SDK1: variants seen among roughly 807,000 people sequenced by gnomAD.
SDK1 encodes protein sidekick-1.
SDK1 carries 157 observed loss-of-function variants against 245.5 expected under a neutral mutation model. That is an observed-to-expected ratio of 0.64 (90% CI 0.56 to 0.73). SDK1 has a LOEUF of 0.73. Ranked by LOEUF, SDK1 falls within the 30% of genes least tolerant of loss-of-function variation. The pLI, the probability that SDK1 is intolerant of heterozygous loss-of-function variation, is 0.00. For missense variants in SDK1, 3,583 were observed against 3,002.3 expected, an observed-to-expected ratio of 1.19 and a Z score of -4.52; for synonymous variants, 1,647 against 1,278.5, an observed-to-expected ratio of 1.29 and a Z score of -6.15.
intron 5 of SDK1, among the ~76,000 whole-genome samples, chr7:3,862,616 G>T (rs971273062): frequency 6.6e-6 from 1 of 152,190 alleles, no homozygotes; most frequent in African/African-American, 2.4e-5. Context: ...TGAATAGTCA[G>T]TGACTTTCAC....
At chr7:3,310,927 G>A (rs1365152553) in intron 1 of SDK1, among the ~76,000 whole-genome samples, 4 of 152,212 alleles carry the variant, frequency 2.6e-5, no homozygotes, top group African/African-American at 9.6e-5. Flanking sequence ...TGTGAGGGCT[G>A]ATTGATATGA....
At chr7:3,345,771 A>G (rs1463419841) in intron 1 of SDK1, among the ~76,000 whole-genome samples, 1 of 152,110 alleles carries the variant, frequency 6.6e-6, no homozygotes, top group Non-Finnish European at 1.5e-5. Flanking sequence ...GTAGTAAATA[A>G]TGTTGTTCCA....
intron 4 of SDK1, among the ~76,000 whole-genome samples, chr7:3,716,094 C>G (rs1196264627): frequency 1.4e-5 from 2 of 147,164 alleles, no homozygotes; most frequent in African/African-American, 5.1e-5. Flanking sequence ...CTCAGTCTGA[C>G]CAACAATGAA....
At chr7:3,605,350 G>T (rs547209215) in intron 1 of SDK1, among the ~76,000 whole-genome samples, 9 of 152,292 alleles carry the variant, frequency 5.9e-5, no homozygotes, top group African/African-American at 2.2e-4. Context: ...TTGTTTTATG[G>T]TTTGAAGAAA....
intron 5 of SDK1, among the ~76,000 whole-genome samples, chr7:3,855,913 A>G (rs572596907): frequency 2.0e-5 from 3 of 152,350 alleles, no homozygotes; most frequent in East Asian, 1.9e-4. Flanking sequence ...TAAAGCTTCA[A>G]TTAATGAATG....
intron 5 of SDK1, among the ~76,000 whole-genome samples, chr7:3,905,896 T>C (rs1299308624): frequency 6.6e-6 from 1 of 152,224 alleles, no homozygotes; most frequent in African/African-American, 2.4e-5. Context: ...AGTGCTGAGA[T>C]TGCAGGTATG....
chr7:3,957,488 G>C (rs951537510), intron 7 of SDK1, among the ~76,000 whole-genome samples: 1 of 152,142 alleles, frequency 6.6e-6, no homozygotes, highest in African/African-American at 2.4e-5. Context: ...AAAAGAAAAC[G>C]CTCAACTAAG....
chr7:3,887,940 G>A (rs1424246739), intron 5 of SDK1, among the ~76,000 whole-genome samples: 3 of 152,274 alleles, frequency 2.0e-5, no homozygotes, highest in East Asian at 3.9e-4. Context: ...GTGTTGTCTT[G>A]TATTTCTTTT....
chr7:3,907,732 G>T (rs183213117), intron 5 of SDK1, among the ~76,000 whole-genome samples: 2 of 152,326 alleles, frequency 1.3e-5, no homozygotes, highest in African/African-American at 4.8e-5. Context: ...AACAGCAGAG[G>T]TGGTGAGGGT....
chr7:3,922,468 G>C (rs565448567), intron 5 of SDK1, among the ~76,000 whole-genome samples: 2 of 152,354 alleles, frequency 1.3e-5, no homozygotes, highest in East Asian at 3.9e-4. Context: ...ATACCACTGG[G>C]TGTCACATGG....
chr7:3,335,828 T>A (rs1243363791), intron 1 of SDK1, among the ~76,000 whole-genome samples: 1 of 152,122 alleles, frequency 6.6e-6, no homozygotes, highest in East Asian at 1.9e-4. Flanking sequence ...AGATTTACTG[T>A]CTTACCAAGG....
At chr7:3,749,790 C>A (rs561365927) in intron 4 of SDK1, among the ~76,000 whole-genome samples, 22 of 152,246 alleles carry the variant, frequency 1.4e-4, no homozygotes, top group African/African-American at 5.3e-4. Context: ...TAATGGTAGT[C>A]ATGGACCCTA....
chr7:3,502,415 A>G (rs1005620749), intron 1 of SDK1, among the ~76,000 whole-genome samples: 1 of 151,906 alleles, frequency 6.6e-6, no homozygotes, highest in African/African-American at 2.4e-5. Context: ...ATGCCTGGCT[A>G]ATTTTTGTAT....
chr7:3,893,019 G>A (rs544715391), intron 5 of SDK1, among the ~76,000 whole-genome samples: 2 of 152,274 alleles, frequency 1.3e-5, no homozygotes, highest in South Asian at 4.1e-4. Context: ...TAGGAATCAG[G>A]CCAATTTGAG....
intron 22 of SDK1, among the ~76,000 whole-genome samples, chr7:4,087,479 GCA>G (rs10660112): frequency 8.5e-4 from 128 of 150,252 alleles, no homozygotes; most frequent in Middle Eastern, 3.5e-3. Context: ...ACACACGCGC[GCA>G]CACACACACA....
intron 4 of SDK1, among the ~76,000 whole-genome samples, chr7:3,813,625 C>T (rs1041931798): frequency 6.8e-6 from 1 of 148,026 alleles, no homozygotes; most frequent in Non-Finnish European, 1.5e-5. Context: ...GGGTATATAC[C>T]CAGTAATGGG....
At chr7:4,062,522 A>G (rs537883004) in intron 19 of SDK1, among the ~76,000 whole-genome samples, 2 of 152,338 alleles carry the variant, frequency 1.3e-5, no homozygotes, top group South Asian at 2.1e-4. Flanking sequence ...AAATTCTACC[A>G]TACTTTCAAG....
chr7:3,554,038 A>C (rs185078464), intron 1 of SDK1, among the ~76,000 whole-genome samples: 1 of 152,328 alleles, frequency 6.6e-6, no homozygotes, highest in Admixed American at 6.5e-5. Context: ...CTAAGCCTAA[A>C]CAGGGTGACT....
chr7:3,986,198 C>CTT (rs34977344), intron 13 of SDK1, among the ~76,000 whole-genome samples: 5 of 149,144 alleles, frequency 3.4e-5, no homozygotes, highest in African/African-American at 9.9e-5. Flanking sequence ...CCAGTAAAAA[C>CTT]TTTTTTTTTT....
Sources: allele counts gnomAD v4.1 joint callset (sites outside exome capture counted in the v4.1 genomes callset), GRCh38; gene constraint gnomAD v4.1.1; transcripts MANE v1.5; gene names NCBI Gene and HGNC (gene_info 2026-07-23, HGNC 2026-07-21).